Variants in TENM3 observed in about 807,000 individuals in gnomAD.
The protein encoded by TENM3 is teneurin-3.
Under a neutral mutation model 255.1 loss-of-function variants are expected in TENM3, and 63 were observed. The ratio of observed to expected loss-of-function variants is 0.25; its 90% CI spans 0.20 to 0.30. TENM3 has a LOEUF of 0.30. TENM3 is among the 10% of genes least tolerant of loss of function. The probability of loss-of-function intolerance (pLI) is 1.00; values close to 1 mark genes in which losing one functional copy is unlikely to be tolerated. For missense variants in TENM3, 2,929 were observed against 3,461.1 expected, an observed-to-expected ratio of 0.85 and a Z score of 3.86; for synonymous variants, 1,306 against 1,322.3, an observed-to-expected ratio of 0.99 and a Z score of 0.27.
the TENM3 span, among the ~76,000 whole-genome samples, chr4:181,532,021 G>T: frequency 6.6e-6 from 1 of 152,188 alleles, no homozygotes. Context: ...AGCAGAATTA[G>T]ATGGGGAGAA....
chr4:181,510,510 A>C, the TENM3 span, among the ~76,000 whole-genome samples: 1 of 152,336 alleles, frequency 6.6e-6, no homozygotes, highest in African/African-American at 2.4e-5. Context: ...AACAAATTAA[A>C]CCTACTAAAG....
intron 3 of TENM3, among the ~76,000 whole-genome samples, chr4:182,374,877 G>A (rs533915699): frequency 1.3e-5 from 2 of 151,984 alleles, no homozygotes; most frequent in Non-Finnish European, 2.9e-5. Context: ...TATCTTCCCC[G>A]TTATCTAAAC....
intron 3 of TENM3, among the ~76,000 whole-genome samples, chr4:182,482,561 A>T (rs528510436): frequency 6.6e-6 from 1 of 152,354 alleles, no homozygotes; most frequent in South Asian, 2.1e-4. Context: ...GTAGGTTAGA[A>T]TACAAGAAAA....
chr4:182,468,219 C>T (rs1010750341), intron 3 of TENM3, among the ~76,000 whole-genome samples: 1 of 152,014 alleles, frequency 6.6e-6, no homozygotes, highest in Non-Finnish European at 1.5e-5. Flanking sequence ...GAGACTGTCT[C>T]TACAAAAAAA....
intron 1 of TENM3, among the ~76,000 whole-genome samples, chr4:182,232,790 C>T (rs1051836193): frequency 1.3e-5 from 2 of 152,096 alleles, no homozygotes; most frequent in African/African-American, 4.8e-5. Context: ...TAGTACCAAA[C>T]CCCATACACA....
At chr4:182,088,829 A>G in the TENM3 span, among the ~76,000 whole-genome samples, 15,689 of 146,816 alleles carry the variant, frequency 0.11, 823 homozygotes, top group Middle Eastern at 0.22. Flanking sequence ...GCGAGACTCC[A>G]TCTCTAAAGA....
At chr4:181,498,170 C>A in the TENM3 span, among the ~76,000 whole-genome samples, 1 of 152,100 alleles carries the variant, frequency 6.6e-6, no homozygotes. Context: ...ATATAGTCCT[C>A]AACCTACAGC....
the TENM3 span, among the ~76,000 whole-genome samples, chr4:181,651,321 C>A: frequency 1.3e-5 from 2 of 152,196 alleles, no homozygotes; most frequent in African/African-American, 4.8e-5. Flanking sequence ...AACCTGATGG[C>A]CGGCACGGTG....
chr4:181,487,221 T>G, the TENM3 span, among the ~76,000 whole-genome samples: 1 of 152,140 alleles, frequency 6.6e-6, no homozygotes, highest in African/African-American at 2.4e-5. Flanking sequence ...AACACGCTTG[T>G]TTTAGATAGG....
intron 13 of TENM3, among the ~76,000 whole-genome samples, chr4:182,722,336 C>A (rs1478635907): frequency 6.6e-6 from 1 of 151,722 alleles, no homozygotes; most frequent in Non-Finnish European, 1.5e-5. Context: ...GCTTCTAAGC[C>A]TTTTCAACTG....
At chr4:182,037,198 A>G in the TENM3 span, among the ~76,000 whole-genome samples, 2 of 149,150 alleles carry the variant, frequency 1.3e-5, no homozygotes, top group Non-Finnish European at 3.0e-5. Context: ...CCCAGGCTGG[A>G]GTGCAGTGGT....
At chr4:182,513,183 C>T (rs1737587326) in intron 3 of TENM3, among the ~76,000 whole-genome samples, 1 of 152,068 alleles carries the variant, frequency 6.6e-6, no homozygotes, top group African/African-American at 2.4e-5. Flanking sequence ...GGTAAATTTT[C>T]ATAAACTTCA....
the TENM3 span, chr4:181,905,997 A>C: frequency 6.1e-6 from 3 of 490,888 alleles, no homozygotes; most frequent in East Asian, 5.3e-5. Context: ...TCAATTTCTC[A>C]TGCTTTTCAT....
the TENM3 span, among the ~76,000 whole-genome samples, chr4:181,449,272 T>G: frequency 6.6e-6 from 1 of 152,134 alleles, no homozygotes; most frequent in Non-Finnish European, 1.5e-5. Context: ...GTCTATGATA[T>G]ATATCATTTT....
the TENM3 span, among the ~76,000 whole-genome samples, chr4:181,895,532 A>ATT: frequency 2.4e-5 from 1 of 41,464 alleles, no homozygotes; most frequent in Non-Finnish European, 4.2e-5. Flanking sequence ...TATCTGGCTG[A>ATT]TTTTTTTTTT....
chr4:182,696,252 G>A (rs1355067400), intron 12 of TENM3, among the ~76,000 whole-genome samples: 1 of 152,136 alleles, frequency 6.6e-6, no homozygotes, highest in Non-Finnish European at 1.5e-5. Flanking sequence ...AACTACTGTT[G>A]ATAGTTTTAT....
At chr4:182,680,444 G>GGC (rs1756074616) in intron 9 of TENM3, 95 bp downstream of exon 9, 7 of 1,413,844 alleles carry the variant, frequency 5.0e-6, no homozygotes, top group Non-Finnish European at 6.0e-6. Flanking sequence ...GAAAGGGGGG[G>GGC]GGAGACTGGC....
the TENM3 span, among the ~76,000 whole-genome samples, chr4:182,114,765 A>C: frequency 6.6e-6 from 1 of 152,232 alleles, no homozygotes; most frequent in East Asian, 1.9e-4. Flanking sequence ...TATGAAATAC[A>C]TGCAACATAT....
the TENM3 span, among the ~76,000 whole-genome samples, chr4:181,508,785 G>A: frequency 1.3e-5 from 2 of 152,016 alleles, no homozygotes; most frequent in African/African-American, 4.8e-5. Context: ...ATGCCAGGAA[G>A]GTCAAACTCT....
Sources: allele counts gnomAD v4.1 joint callset (sites outside exome capture counted in the v4.1 genomes callset), GRCh38; gene constraint gnomAD v4.1.1; transcripts MANE v1.5; gene names NCBI Gene and HGNC (gene_info 2026-07-23, HGNC 2026-07-21).